Variants in FA2H observed in about 807,000 individuals in gnomAD.
FA2H encodes fatty acid alpha-hydroxylase.
Under a neutral mutation model 44.9 loss-of-function variants are expected in FA2H, and 22 were observed. The ratio of observed to expected loss-of-function variants is 0.49; its 90% CI spans 0.35 to 0.70. The LOEUF is 0.70. Among genes scored for constraint, FA2H ranks in the 30% least tolerant of loss-of-function variants. The pLI is 0.01. For synonymous variants in FA2H, 243 were observed against 213.2 expected (o/e 1.14, Z -1.22); for missense variants, 501 against 504.9 (o/e 0.99, Z 0.07).
chr16:74,740,671 AAT>A lies in FA2H; in HGVS notation c.271-558_271-557del, dbSNP rs1342057784. Among the ~76,000 whole-genome samples the A allele has an allele frequency of 6.0e-3, 820 of 135,838 alleles. 3 individuals carry two copies. Among genetic ancestry groups the A allele is most frequent in the Middle Eastern group, 0.023 (6 of 264 alleles). The allele number at this position is 135,838 out of a possible 152,430, so 89.1% of individuals were successfully genotyped here. ...ATAATAATAATAATAATAATAATAA[AAT>A]TTCTGCATAAATAAAAGAGGCAGAA... On this transcript the variant is annotated intron_variant, in intron 1 of 6. Coordinates refer to ENST00000219368, the MANE Select transcript of FA2H (RefSeq NM_024306.5).
Position 74,747,336 on chromosome 16 carries a change from A to T in FA2H, c.271-7221T>A, listed in dbSNP as rs1450901776. On this transcript the variant is annotated intron_variant, in intron 1 of 6. Coordinates refer to ENST00000219368, the MANE Select transcript of FA2H (RefSeq NM_024306.5). ...AAAATAAATAAATAAATAAATAAGA[A>T]AGAAAGAAAGAAAGAAAGAAAAGTG... Among the ~76,000 whole-genome samples the T allele has an allele frequency of 8.1e-3, 3 of 372 alleles. No individual in the cohort carries two copies. The East Asian group carries it at 0.25, about 31-fold the overall frequency. The allele number at this position is 372 out of a possible 152,430, so 0.2% of individuals were successfully genotyped here. A position where few individuals can be genotyped will look rare whatever the true frequency, so the allele number is the denominator to read the frequency against.
At chr16:74,720,072 A>G (rs1327644188) in intron 4 of FA2H, among the ~76,000 whole-genome samples, 2 of 151,088 alleles carry the variant, frequency 1.3e-5, no homozygotes, top group African/African-American at 4.9e-5. Flanking sequence ...CTCCGGAGAC[A>G]GCCTGCAGTC....
At chr16:74,766,153 G>A (rs892832706) in intron 1 of FA2H, among the ~76,000 whole-genome samples, 5 of 152,062 alleles carry the variant, frequency 3.3e-5, no homozygotes, top group Non-Finnish European at 7.4e-5. Context: ...ACAAAAATTA[G>A]CTGGGCATAG....
intron 1 of FA2H, among the ~76,000 whole-genome samples, chr16:74,741,808 ATGTGTGTGTG>A (rs1208446986): frequency 2.1e-5 from 1 of 48,416 alleles, no homozygotes; most frequent in Non-Finnish European, 3.5e-5. Context: ...ATATATATAT[ATGTGTGTGTG>A]TGTGTGTGTG....
At chr16:74,720,880 C>T (rs966060261) in intron 4 of FA2H, among the ~76,000 whole-genome samples, 1 of 152,228 alleles carries the variant, frequency 6.6e-6, no homozygotes, top group African/African-American at 2.4e-5. Flanking sequence ...ATATGTTCAA[C>T]ATTCACCCAT....
chr16:74,729,722 G>A (rs918600517), intron 2 of FA2H, among the ~76,000 whole-genome samples: 1 of 152,186 alleles, frequency 6.6e-6, no homozygotes, highest in African/African-American at 2.4e-5. Flanking sequence ...ATTAGAGCCT[G>A]GCTGTGCCTT....
intron 1 of FA2H, among the ~76,000 whole-genome samples, chr16:74,766,432 G>C (rs902416713): frequency 2.6e-5 from 4 of 152,196 alleles, no homozygotes; most frequent in African/African-American, 9.7e-5. Flanking sequence ...GGAAGAAAGA[G>C]GATTCAAGCT....
At chr16:74,728,286 C>T (rs923107569) in intron 2 of FA2H, among the ~76,000 whole-genome samples, 2 of 152,172 alleles carry the variant, frequency 1.3e-5, no homozygotes, top group African/African-American at 4.8e-5. Context: ...ATAACGGTAC[C>T]TGCATTAAGT....
At chr16:74,742,568 C>T (rs757358724) in intron 1 of FA2H, among the ~76,000 whole-genome samples, 1 of 152,140 alleles carries the variant, frequency 6.6e-6, no homozygotes, top group Non-Finnish European at 1.5e-5. Context: ...GCACGGTAGC[C>T]GATGCCTGCA....
chr16:74,737,552 C>G (rs544028765), intron 2 of FA2H, among the ~76,000 whole-genome samples: 5 of 152,218 alleles, frequency 3.3e-5, no homozygotes, highest in African/African-American at 1.2e-4. Context: ...GGCCTGTTGT[C>G]CTCTCACTCT....
At chr16:74,721,792 A>T (rs1421377206) in intron 4 of FA2H, among the ~76,000 whole-genome samples, 1 of 152,098 alleles carries the variant, frequency 6.6e-6, no homozygotes, top group South Asian at 2.1e-4. Context: ...TCCCCTCCAC[A>T]TACTTCCCCC....
At chr16:74,765,919 G>A (rs1233631161) in intron 1 of FA2H, among the ~76,000 whole-genome samples, 3 of 152,118 alleles carry the variant, frequency 2.0e-5, no homozygotes, top group Admixed American at 2.0e-4. Context: ...AGAAATCCAG[G>A]TGAACTAGAC....
intron 2 of FA2H, among the ~76,000 whole-genome samples, chr16:74,728,148 T>C (rs767302204): frequency 6.6e-6 from 1 of 152,174 alleles, no homozygotes; most frequent in African/African-American, 2.4e-5. Flanking sequence ...TAATTGTTGG[T>C]TGCAGTAGCT....
rs563327939 is a variant in FA2H at position 74,759,452 on chromosome 16, A to G, written c.270+15034T>C. Reference sequence around the variant, plus strand: ...TGAACTCACCTTTGTGGGTGAGATCAAGAGTGGTGGAGGAAGTAAGAGTTT... The same window carrying G: ...TGAACTCACCTTTGTGGGTGAGATCGAGAGTGGTGGAGGAAGTAAGAGTTT... On this transcript the variant is annotated intron_variant, in intron 1 of 6. Transcript: ENST00000219368. 8.5e-5 allele frequency among the ~76,000 whole-genome samples: 13 copies of G among 152,342 alleles called. No individual in the cohort carries two copies. In the South Asian group the frequency reaches 2.1e-3, roughly 24 times the overall value.
At chr16:74,753,071 C>G (rs907746635) in intron 1 of FA2H, among the ~76,000 whole-genome samples, 3 of 152,228 alleles carry the variant, frequency 2.0e-5, no homozygotes, top group African/African-American at 7.2e-5. Flanking sequence ...TGAAGGGACT[C>G]CTTGCCCTCC....
intron 1 of FA2H, among the ~76,000 whole-genome samples, chr16:74,742,912 T>C (rs1962342934): frequency 6.6e-6 from 1 of 152,124 alleles, no homozygotes; most frequent in Non-Finnish European, 1.5e-5. Flanking sequence ...ACCAAATATA[T>C]AGGAAGTATG....
Position 74,713,259 on chromosome 16 carries a change from A to G in FA2H, c.*931T>C, listed in dbSNP as rs1204830361. The G allele has an allele frequency of 1.3e-5, 2 of 152,708 alleles. No individual in the cohort carries two copies. The highest frequency in any genetic ancestry group is 2.4e-5 in the African/African-American group (1 of 41,474). The allele number at this position is 152,708 out of a possible 1,614,324, so 9.5% of individuals were successfully genotyped here. On this transcript the variant is annotated 3_prime_UTR_variant, in exon 7 of 7. Transcript: ENST00000219368. ...CTGACCAGCTCCTTGGTCTGGGACCAGACTAAGAACATGTATCTGGTTTAT... is the reference window on the plus strand; with the variant it reads ...CTGACCAGCTCCTTGGTCTGGGACCGGACTAAGAACATGTATCTGGTTTAT...
intron 1 of FA2H, among the ~76,000 whole-genome samples, chr16:74,751,046 C>A (rs767903822): frequency 6.6e-6 from 1 of 150,420 alleles, no homozygotes; most frequent in Non-Finnish European, 1.5e-5. Context: ...GCCTCCCAAA[C>A]TTCTGGGATT....
rs759577964 is a variant in FA2H, at chr16:74,719,139, T to G, written c.635A>C (p.Lys212Thr). 9.3e-6 allele frequency: 15 copies of G among 1,613,454 alleles called. No homozygotes were observed. The highest frequency in any genetic ancestry group is 1.3e-5 in the Non-Finnish European group (15 of 1,180,010). ...FTTEYTVAVP[K>T]SMFPGLFMLG... ...CATGAAGAGCCCGGGGAACATGGAC[T>G]TGGGCACTGCCACCGTGTACTCTGC... The change falls in exon 5 of 7, where the codon AAG becomes ACG. Residue 212 changes from lysine to threonine, a missense_variant. Physicochemically the swap from Lys to Thr is moderately conservative, Grantham distance 78. Coordinates refer to ENST00000219368, the MANE Select transcript of FA2H (RefSeq NM_024306.5).
Sources: allele counts gnomAD v4.1 joint callset (sites outside exome capture counted in the v4.1 genomes callset), GRCh38; gene constraint gnomAD v4.1.1; transcripts MANE v1.5; gene names NCBI Gene and HGNC (gene_info 2026-07-23, HGNC 2026-07-21).